Variants in SYNE1 observed in about 807,000 individuals in gnomAD.
SYNE1 encodes spectrin repeat containing nuclear envelope protein 1, also known as nesprin-1.
Under a neutral mutation model 1,111.0 loss-of-function variants are expected in SYNE1, and 616 were observed. That is an observed-to-expected ratio of 0.55 (90% CI 0.52 to 0.59). The LOEUF is 0.59. Ranked by LOEUF, SYNE1 falls within the 20% of genes least tolerant of loss-of-function variation. The probability of loss-of-function intolerance (pLI) is 0.00; values close to 1 mark genes in which losing one functional copy is unlikely to be tolerated. For missense variants in SYNE1, 10,006 were observed against 10,417.0 expected (o/e 0.96, Z 1.72); for synonymous variants, 3,855 against 3,825.8 (o/e 1.01, Z -0.28).
intron 140 of SYNE1, among the ~76,000 whole-genome samples, chr6:152,139,585 A>T (rs1457678123): frequency 6.8e-6 from 1 of 146,596 alleles, no homozygotes; most frequent in Non-Finnish European, 1.5e-5. Context: ...AAAAAAAAGA[A>T]AGGAAGGAAG....
At chr6:152,132,094 C>A (rs771214885) in intron 144 of SYNE1, 28 bp downstream of exon 144, 2 of 1,604,876 alleles carry the variant, frequency 1.2e-6, no homozygotes, top group Non-Finnish European at 1.7e-6. Flanking sequence ...TCCCATGGGC[C>A]AACTGAAAAC....
chr6:152,540,508 C>T (rs546407758), intron 3 of SYNE1, among the ~76,000 whole-genome samples: 10 of 152,348 alleles, frequency 6.6e-5, no homozygotes, highest in Non-Finnish European at 1.5e-4. Flanking sequence ...AAAAAAGGAA[C>T]TTCACCCAGA....
chr6:152,510,200 C>T lies in SYNE1; in HGVS notation c.574G>A (p.Ala192Thr). 6.2e-7 allele frequency: 1 copy of T among 1,613,894 alleles called. No individual in the cohort carries two copies. The highest frequency in any genetic ancestry group is 8.5e-7 in the Non-Finnish European group (1 of 1,179,900). ...KALLKWVQYTAGKQTGIEVKD... is the reference protein window; with the variant it reads ...KALLKWVQYTTGKQTGIEVKD... Reference sequence around the variant, plus strand: ...CAAACTCTTGATACTTACTTGCCAGCTGTGTACTGAACCCACTTTAATAAA... The same window carrying T: ...CAAACTCTTGATACTTACTTGCCAGTTGTGTACTGAACCCACTTTAATAAA... The change falls in exon 8 of 146, where the codon GCT (alanine) becomes ACT (threonine). Residue 192 changes from alanine to threonine, a missense_variant. Transcript: ENST00000367255.
rs1455155292 is a variant in SYNE1 at position 152,318,986 on chromosome 6, C to G, written c.16266G>C (p.Gln5422His). Residue 5422 changes from glutamine (Q) to histidine (H), a missense_variant, in exon 85 of 146, where the codon CAG (glutamine) becomes CAC (histidine). Transcript: ENST00000367255. ...QIQDKIKEVE[Q>H]SKATSQELSR... ...TGAGTTCCTGGCTCGTGGCCTTGCT[C>G]TGCTCAACTTCTTTTATTTTGTCTT... The G allele has an allele frequency of 6.2e-7, 1 of 1,614,048 alleles. No homozygotes were observed. The highest frequency in any genetic ancestry group is 8.5e-7 in the Non-Finnish European group (1 of 1,180,046).
chr6:152,513,720 A>G (rs76121799), intron 6 of SYNE1, among the ~76,000 whole-genome samples: 11 of 152,168 alleles, frequency 7.2e-5, no homozygotes, highest in Admixed American at 2.6e-4. Context: ...AAATTTTTGC[A>G]ATCTATCCAT....
At chr6:152,225,981 A>C in intron 115 of SYNE1, 105 bp from the exon 116 acceptor site, 1 of 1,126,776 alleles carries the variant, frequency 8.9e-7, no homozygotes, top group African/African-American at 1.6e-5. Flanking sequence ...CCTTTTACTA[A>C]TCCAAAAAGC....
At chr6:152,307,764 CCT>C (rs376731192) in intron 91 of SYNE1, among the ~76,000 whole-genome samples, 12 of 152,296 alleles carry the variant, frequency 7.9e-5, no homozygotes, top group African/African-American at 2.6e-4. Flanking sequence ...CCTGGACCAT[CCT>C]CTGATTTTGG....
At chr6:152,216,240 A>G (rs747638567) in intron 121 of SYNE1, among the ~76,000 whole-genome samples, 13 of 152,240 alleles carry the variant, frequency 8.5e-5, no homozygotes, top group Non-Finnish European at 7.3e-5. Context: ...ATCAGCAATG[A>G]ACAAAATAGC....
intron 127 of SYNE1, among the ~76,000 whole-genome samples, chr6:152,200,296 A>T (rs17194424): frequency 6.6e-6 from 1 of 152,228 alleles, no homozygotes; most frequent in African/African-American, 2.4e-5. Context: ...GGGCAATAAT[A>T]AATGTTTTCA....
intron 116 of SYNE1, among the ~76,000 whole-genome samples, chr6:152,225,325 A>G (rs564534326): frequency 2.1e-4 from 32 of 152,036 alleles, no homozygotes; most frequent in Admixed American, 1.8e-3. Context: ...ACACACTCAG[A>G]TAAATATCTT....
intron 116 of SYNE1, among the ~76,000 whole-genome samples, chr6:152,225,094 G>A (rs1472937712): frequency 3.3e-5 from 5 of 151,534 alleles, no homozygotes; most frequent in South Asian, 2.1e-4. Context: ...CACCTTATGA[G>A]ATAGGTATGA....
At chr6:152,302,217 C>T in intron 91 of SYNE1, 154 bp from the exon 92 acceptor site, 2 of 994,604 alleles carry the variant, frequency 2.0e-6, no homozygotes, top group South Asian at 1.4e-5. Context: ...TCCTGCATCT[C>T]GCTACCGAGC....
intron 3 of SYNE1, among the ~76,000 whole-genome samples, chr6:152,606,978 C>CTTTTT (rs71017544): frequency 8.0e-5 from 5 of 62,266 alleles, no homozygotes; most frequent in Non-Finnish European, 1.1e-4. Flanking sequence ...CCTCGGTTCT[C>CTTTTT]TTTTTTTTTT....
At chr6:152,484,711 G>A (rs1271576969) in intron 13 of SYNE1, 124 bp downstream of exon 13, 15 of 1,018,224 alleles carry the variant, frequency 1.5e-5, no homozygotes, top group Non-Finnish European at 2.2e-5. Context: ...CCATAGTTAA[G>A]TCTTTCTAGC....
At chr6:152,278,598 G>T (rs1214579883) in intron 97 of SYNE1, among the ~76,000 whole-genome samples, 3 of 152,002 alleles carry the variant, frequency 2.0e-5, no homozygotes, top group Admixed American at 1.3e-4. Context: ...GAGCAGCTGG[G>T]ACTACAGGCG....
At chr6:152,379,482 GATC>G (rs1431477522) in intron 56 of SYNE1, among the ~76,000 whole-genome samples, 1 of 151,940 alleles carries the variant, frequency 6.6e-6, no homozygotes, top group Non-Finnish European at 1.5e-5. Context: ...TTCTTATTGT[GATC>G]ATCAACAATG....
At position 152,446,502 on chromosome 6, in the gene SYNE1, T is replaced by A. The variant is rs891570806; in HGVS notation, c.3669+956A>T. Among the ~76,000 whole-genome samples the A allele has an allele frequency of 5.8e-4, 88 of 152,232 alleles. 2 individuals carry two copies. Among genetic ancestry groups the A allele is most frequent in the Non-Finnish European group, 2.1e-4 (14 of 67,990 alleles). ...TTCAGCACTAGAGTCTCAAGCAGAT[T>A]TAAATGGATTAAAAACATGAAGGTT... On this transcript the variant is annotated intron_variant, in intron 29 of 145. Transcript: ENST00000367255.
chr6:152,289,851 C>G (rs925055646), intron 95 of SYNE1, among the ~76,000 whole-genome samples: 1 of 151,730 alleles, frequency 6.6e-6, no homozygotes, highest in African/African-American at 2.4e-5. Flanking sequence ...TGGTCGCGAT[C>G]TCCTGACCTC....
chr6:152,361,515 G>A (rs979517749), intron 64 of SYNE1, among the ~76,000 whole-genome samples: 1 of 152,194 alleles, frequency 6.6e-6, no homozygotes, highest in African/African-American at 2.4e-5. Context: ...TGAGAATAAT[G>A]AGGTTTCCAA....
Sources: gnomAD v4.1 joint callset for allele counts (sites outside exome capture counted in the v4.1 genomes callset) on GRCh38, gnomAD v4.1.1 for gene constraint, MANE v1.5 for transcripts, NCBI Gene and HGNC (gene_info 2026-07-23, HGNC 2026-07-21) for gene names.